Variants in ERMP1 observed in about 807,000 individuals in gnomAD.
ERMP1 encodes the protein Felix-ina.
Under a neutral mutation model 92.0 loss-of-function variants are expected in ERMP1, and 86 were observed. The ratio of observed to expected loss-of-function variants is 0.93; its 90% CI spans 0.79 to 1.12. ERMP1 has a LOEUF of 1.12. ERMP1 is among the 50% of genes most tolerant of loss of function. The pLI is 0.00. For missense variants in ERMP1, 1,342 were observed against 1,116.3 expected (o/e 1.20, Z -2.88); for synonymous variants, 530 against 412.8 (o/e 1.28, Z -3.44).
chr9:5,807,744 T>TCAA (rs556649822), intron 8 of ERMP1, among the ~76,000 whole-genome samples: 2 of 151,792 alleles, frequency 1.3e-5, no homozygotes, highest in Non-Finnish European at 1.5e-5. Flanking sequence ...AGACTCTGTC[T>TCAA]CAACAACAAC....
At chr9:5,787,913 T>C (rs965735934) in intron 13 of ERMP1, among the ~76,000 whole-genome samples, 4 of 152,196 alleles carry the variant, frequency 2.6e-5, no homozygotes, top group African/African-American at 9.7e-5. Context: ...AAAAAGCATA[T>C]GAAAGTGTTG....
At chr9:5,850,405 CAA>C (rs59464514) in intron 6 of ERMP1, among the ~76,000 whole-genome samples, 9 of 40,596 alleles carry the variant, frequency 2.2e-4, no homozygotes, top group East Asian at 1.0e-3. Context: ...AACTCCGTCT[CAA>C]AAAAAAAAAA....
intron 6 of ERMP1, among the ~76,000 whole-genome samples, chr9:5,839,725 T>C (rs1464061106): frequency 6.6e-6 from 1 of 152,176 alleles, no homozygotes; most frequent in African/African-American, 2.4e-5. Flanking sequence ...TCGGGCTGCA[T>C]GACCTTCTTC....
chr9:5,796,408 A>C (rs1411178960), intron 13 of ERMP1, among the ~76,000 whole-genome samples: 1 of 152,260 alleles, frequency 6.6e-6, no homozygotes, highest in Non-Finnish European at 1.5e-5. Flanking sequence ...ACATAGGCTT[A>C]CCATATATAA....
chr9:5,841,528 T>C (rs1830163351), intron 6 of ERMP1, among the ~76,000 whole-genome samples: 1 of 152,196 alleles, frequency 6.6e-6, no homozygotes, highest in African/African-American at 2.4e-5. Flanking sequence ...CCAGGTGTGG[T>C]GGCTCATACC....
At chr9:5,835,225 A>G (rs946535975), upstream of ERMP1, among the ~76,000 whole-genome samples, 1 of 152,168 alleles carries the variant, frequency 6.6e-6, no homozygotes, top group Non-Finnish European at 1.5e-5. Flanking sequence ...TCACGTTTGA[A>G]TATTTTTAGC....
chr9:5,836,115 T>C (rs147074236), upstream of ERMP1, among the ~76,000 whole-genome samples: 36 of 152,360 alleles, frequency 2.4e-4, no homozygotes, highest in South Asian at 6.6e-3. Context: ...AGATGTCCCA[T>C]GTCCCTTCTG....
At chr9:5,818,728 A>G (rs956331010) in intron 4 of ERMP1, among the ~76,000 whole-genome samples, 106 of 152,104 alleles carry the variant, frequency 7.0e-4, no homozygotes, top group African/African-American at 2.4e-3. Context: ...AAAAAAAAGA[A>G]AAGAAAAGAA....
At chr9:5,831,485 G>A (rs755878259) in intron 1 of ERMP1, among the ~76,000 whole-genome samples, 1 of 152,154 alleles carries the variant, frequency 6.6e-6, no homozygotes, top group African/African-American at 2.4e-5. Context: ...CTATCCGCCT[G>A]TAGTCCCAGC....
upstream of ERMP1, among the ~76,000 whole-genome samples, chr9:5,837,597 T>C (rs1830109160): frequency 1.3e-5 from 2 of 152,138 alleles, no homozygotes; most frequent in South Asian, 4.1e-4. Context: ...ATGGAGGACA[T>C]GATTTTCAAA....
intron 7 of ERMP1, among the ~76,000 whole-genome samples, 166 bp downstream of exon 7, chr9:5,810,939 CTAAAAG>C (rs1276942321): frequency 1.3e-5 from 2 of 151,894 alleles, no homozygotes; most frequent in African/African-American, 4.8e-5. Flanking sequence ...TTCACCAAGA[CTAAAAG>C]TAAAATAAGC....
intron 6 of ERMP1, among the ~76,000 whole-genome samples, chr9:5,859,107 A>T (rs2129775937): frequency 6.6e-6 from 1 of 152,334 alleles, no homozygotes; most frequent in East Asian, 1.9e-4. Flanking sequence ...CTTGACTCTA[A>T]TGCCTCTGAC....
rs1830013939 is a variant in ERMP1 at position 5,832,870 on chromosome 9, C to T, written c.158G>A (p.Ser53Asn). The T allele has an allele frequency of 6.6e-7, 1 of 1,526,060 alleles. No homozygotes were observed. Among genetic ancestry groups the T allele is most frequent in the Non-Finnish European group, 8.7e-7 (1 of 1,146,160 alleles). 94.5% of individuals were successfully genotyped at this position (1,526,060 alleles called of 1,614,324 possible). Residue 53 changes from serine to asparagine, a missense_variant, in exon 1 of 15, where the codon AGC becomes AAC. Ser to Asn is a conservative substitution (Grantham distance 46). Transcript: ENST00000339450. ...CSGGGRTRKR[S>N]PGGSGGASRG... ...GCTCGCGCCGCCGCTACCCCCGGGGCTCCTCTTCCGCGTCCTCCCGCCGCC... is the reference window on the plus strand; with the variant it reads ...GCTCGCGCCGCCGCTACCCCCGGGGTTCCTCTTCCGCGTCCTCCCGCCGCC...
intron 8 of ERMP1, among the ~76,000 whole-genome samples, chr9:5,807,404 C>CTAA (rs1828908279): frequency 6.6e-6 from 1 of 152,106 alleles, no homozygotes; most frequent in African/African-American, 2.4e-5. Flanking sequence ...CACCTTAAAC[C>CTAA]GCTCATCAAT....
chr9:5,814,960 G>A (rs73639517), intron 4 of ERMP1, among the ~76,000 whole-genome samples: 6 of 151,986 alleles, frequency 3.9e-5, no homozygotes, highest in East Asian at 1.9e-4. Flanking sequence ...CTGATGTTGC[G>A]AATTTTAATA....
At chr9:5,798,463 G>C (rs970625506) in intron 12 of ERMP1, among the ~76,000 whole-genome samples, 3 of 151,934 alleles carry the variant, frequency 2.0e-5, no homozygotes, top group African/African-American at 7.3e-5. Flanking sequence ...TGATCCACCC[G>C]CCTCGGCCTC....
At chr9:5,841,689 G>A (rs1290110438) in intron 6 of ERMP1, among the ~76,000 whole-genome samples, 3 of 152,180 alleles carry the variant, frequency 2.0e-5, no homozygotes, top group African/African-American at 4.8e-5. Context: ...TACTCAGGAG[G>A]CTGAGGCACA....
chr9:5,839,622 C>T (rs146406344), intron 6 of ERMP1, among the ~76,000 whole-genome samples: 1 of 152,224 alleles, frequency 6.6e-6, no homozygotes, highest in African/African-American at 2.4e-5. Context: ...AGACCCCCAG[C>T]ACTTCCTGAG....
rs770231761 is a variant in ERMP1 at position 5,805,765 on chromosome 9, C to A, written c.1569G>T (p.Leu523=). Residue 523 remains leucine, a synonymous_variant, in exon 9 of 15, where the codon CTG becomes CTT. Transcript: ENST00000339450. ...GCGAAATGTCAAAAAATACTTCTCCCAGATACTGGGCACTGGCATTCTGAA... is the reference window on the plus strand; with the variant it reads ...GCGAAATGTCAAAAAATACTTCTCCAAGATACTGGGCACTGGCATTCTGAA... ...FYYMNASAQY[L]GEVFFDISLF... 2.5e-6 allele frequency: 4 copies of A among 1,608,598 alleles called. No individual in the cohort carries two copies. In the South Asian group the frequency reaches 4.4e-5, roughly 18 times the overall value.
Sources: allele counts gnomAD v4.1 joint callset (sites outside exome capture counted in the v4.1 genomes callset), GRCh38; gene constraint gnomAD v4.1.1; transcripts MANE v1.5; gene names NCBI Gene and HGNC (gene_info 2026-07-23, HGNC 2026-07-21).